The following IQANK1 variants were observed in gnomAD, a reference collection of about 807,000 sequenced individuals.
IQANK1 encodes the protein IQ motif and ankyrin repeat containing 1.
IQANK1 carries 30 observed loss-of-function variants against 22.6 expected under a neutral mutation model. The ratio of observed to expected loss-of-function variants is 1.33; its 90% CI spans 0.99 to 1.80. IQANK1 has a LOEUF of 1.80. Ranked by LOEUF, IQANK1 falls within the 40% of genes most tolerant of loss-of-function variation. IQANK1 has a pLI of 0.00. For synonymous variants in IQANK1, 122 were observed against 99.6 expected (o/e 1.23, Z -1.34); for missense variants, 275 against 235.2 (o/e 1.17, Z -1.11).
At chr8:143,779,803 A>G (rs555165158) in intron 7 of IQANK1, among the ~76,000 whole-genome samples, 1 of 152,196 alleles carries the variant, frequency 6.6e-6, no homozygotes, top group African/African-American at 2.4e-5. Context: ...CCTTGGCACA[A>G]TTCCTGGTGC....
rs1819648910 is a variant in IQANK1 at position 143,774,529 on chromosome 8, A to T, written c.789+2047A>T. ...CCGAACGAGGGCAGGGATGTGGGGA[A>T]GCTGGCCCTGCCACACCTTGCTGGG... is the stretch of plus-strand genomic sequence containing the variant. On this transcript the variant is annotated intron_variant, in intron 7 of 13. Transcript: ENST00000527139. This position sits in a 1 kb window ranked among gnomAD's most constrained non-coding sequence, Gnocchi z 4.2. Among the ~76,000 whole-genome samples, 2 of 152,184 alleles carry T rather than the reference A, an allele frequency of 1.3e-5. No homozygotes were observed. The highest frequency in any genetic ancestry group is 4.8e-5 in the African/African-American group (2 of 41,460).
At chr8:143,779,679 C>T (rs572603924) in intron 7 of IQANK1, among the ~76,000 whole-genome samples, 3 of 152,264 alleles carry the variant, frequency 2.0e-5, no homozygotes, top group Non-Finnish European at 4.4e-5. Flanking sequence ...CCAGTTCTTC[C>T]ACTTACAGAC....
chr8:143,780,382 G>A (rs1331183422), intron 7 of IQANK1, among the ~76,000 whole-genome samples: 4 of 151,998 alleles, frequency 2.6e-5, no homozygotes, highest in African/African-American at 9.7e-5. Context: ...TTGTTATGCA[G>A]GTGACATAGT....
chr8:143,743,136 A>C (rs57700399), intron 3 of IQANK1: 9 of 426,826 alleles, frequency 2.1e-5, no homozygotes, highest in Middle Eastern at 1.1e-3. Context: ...GCTGACGTCG[A>C]GGAAAGCCAG....
chr8:143,789,708 T>C lies in IQANK1; in HGVS notation c.1087-53T>C. 3 of 1,223,652 alleles carry C rather than the reference T, an allele frequency of 2.5e-6. No individual in the cohort carries two copies. In the South Asian group the frequency reaches 1.2e-4, roughly 51 times the overall value. 75.8% of individuals were successfully genotyped at this position (1,223,652 alleles called of 1,614,324 possible). On this transcript the variant is annotated intron_variant, in intron 10 of 13. Coordinates refer to ENST00000527139, the MANE Select transcript of IQANK1 (RefSeq NM_001381874.1). ...GGAGGAAGCTCGGGCAGCTGCCCTC[T>C]CCAGCCAGAGCATGGGGCAGGGCAA... is the stretch of plus-strand genomic sequence containing the variant.
intron 7 of IQANK1, among the ~76,000 whole-genome samples, chr8:143,785,800 C>T (rs1309633646): frequency 6.6e-6 from 1 of 151,412 alleles, no homozygotes; most frequent in African/African-American, 2.4e-5. Flanking sequence ...GATCTCAGCT[C>T]ACTGCAACCT....
intron 3 of IQANK1, chr8:143,745,245 T>C (rs1819004126): frequency 6.6e-6 from 1 of 152,230 alleles, no homozygotes. Context: ...GAGCCTGACG[T>C]GTCTCTGATC....
rs1554628623 is a variant in IQANK1 at position 143,758,300 on chromosome 8, A to C, written c.176-13188A>C. On this transcript the variant is annotated intron_variant, in intron 3 of 13. Transcript: ENST00000527139. This position sits in a 1 kb window ranked among gnomAD's most constrained non-coding sequence, Gnocchi z 4.2. ...ACCAACATGGAGAAACTTCGTCTCT[A>C]CTGAAAATACAAAATTAGCTGGGCA... The C allele has an allele frequency of 6.6e-6, 1 of 152,256 alleles. No individual in the cohort carries two copies. The highest frequency in any genetic ancestry group is 2.4e-5 in the African/African-American group (1 of 41,450). 9.4% of individuals were successfully genotyped at this position (152,256 alleles called of 1,614,324 possible). A position where few individuals can be genotyped will look rare whatever the true frequency, so the allele number is the denominator to read the frequency against.
At chr8:143,740,068 T>TTGTGCGCGCACGTGTGGGAGTGCGCG in intron 3 of IQANK1, 120 bp downstream of exon 3, 1 of 544,486 alleles carries the variant, frequency 1.8e-6, no homozygotes. Context: ...ACACATGTGC[T>TTGTGCGCGCACGTGTGGGAGTGCGCG]TGTGCGCGCA....
chr8:143,748,088 G>C (rs897567878), intron 3 of IQANK1, among the ~76,000 whole-genome samples: 1 of 151,584 alleles, frequency 6.6e-6, no homozygotes, highest in African/African-American at 2.4e-5. Context: ...TCTGCCTCCC[G>C]GGCTCAAGCG....
Position 143,771,733 on chromosome 8 carries a change from T to C in IQANK1, c.307-68T>C. 1 of 396,704 alleles carries C rather than the reference T, an allele frequency of 2.5e-6. No individual in the cohort carries two copies. Among genetic ancestry groups the C allele is most frequent in the Non-Finnish European group, 4.4e-6 (1 of 225,280 alleles). 24.6% of individuals were successfully genotyped at this position (396,704 alleles called of 1,614,324 possible). A position where few individuals can be genotyped will look rare whatever the true frequency, so the allele number is the denominator to read the frequency against. ...AGATCGGGCTCCGACCTCAGAGGCG[T>C]GGACCGTGGCCTCGGGGCTCGGGGC... On this transcript the variant is annotated intron_variant, in intron 4 of 13. Coordinates refer to ENST00000527139, the MANE Select transcript of IQANK1 (RefSeq NM_001381874.1). This position sits in a 1 kb window ranked among gnomAD's most constrained non-coding sequence, Gnocchi z 6.0.
chr8:143,738,324 C>T (rs146516858), intron 2 of IQANK1, among the ~76,000 whole-genome samples: 2,319 of 152,324 alleles, frequency 0.015, 25 homozygotes, highest in Non-Finnish European at 0.022. Flanking sequence ...GCTCAGAGGG[C>T]GTCCCTGGAG....
intron 3 of IQANK1, among the ~76,000 whole-genome samples, chr8:143,752,754 T>A (rs2129843780): frequency 6.6e-6 from 1 of 152,344 alleles, no homozygotes; most frequent in South Asian, 2.1e-4. Context: ...GAGCAATAAG[T>A]TATATACCAT....
intron 7 of IQANK1, among the ~76,000 whole-genome samples, chr8:143,777,620 T>TATGTGCAG (rs1450216376): frequency 1.3e-5 from 2 of 151,656 alleles, no homozygotes; most frequent in Non-Finnish European, 2.9e-5. Context: ...AAGGTTCTTA[T>TATGTGCAG]ATGTGCAGTG....
At chr8:143,749,599 A>G (rs1351341686) in intron 3 of IQANK1, among the ~76,000 whole-genome samples, 1 of 137,988 alleles carries the variant, frequency 7.2e-6, no homozygotes, top group Admixed American at 7.8e-5. Context: ...TTATTTATTT[A>G]TTTTTTTTTT....
intron 3 of IQANK1, chr8:143,741,670 C>G (rs1818918886): frequency 6.6e-6 from 1 of 152,586 alleles, no homozygotes; most frequent in South Asian, 2.1e-4. Flanking sequence ...GCGTGCTAGG[C>G]TCCAGCCCAC....
chr8:143,753,002 T>TG (rs1360638983), intron 3 of IQANK1, among the ~76,000 whole-genome samples: 2 of 134,484 alleles, frequency 1.5e-5, no homozygotes, highest in Non-Finnish European at 3.2e-5. Context: ...GTTCGTTTTT[T>TG]TTTTTTTTTT....
intron 3 of IQANK1, among the ~76,000 whole-genome samples, chr8:143,752,433 G>A (rs373965738): frequency 6.6e-6 from 1 of 152,138 alleles, no homozygotes; most frequent in Non-Finnish European, 1.5e-5. Flanking sequence ...ACTATAATGT[G>A]TCTCAGTGTG....
At chr8:143,776,269 T>C (rs1262044684) in intron 7 of IQANK1, among the ~76,000 whole-genome samples, 2 of 131,016 alleles carry the variant, frequency 1.5e-5, no homozygotes, top group Non-Finnish European at 3.1e-5. Flanking sequence ...TGCAGTGAGC[T>C]GAGATGGCGC....
Sources: allele counts gnomAD v4.1 joint callset (sites outside exome capture counted in the v4.1 genomes callset), GRCh38; gene constraint gnomAD v4.1.1; non-coding constraint Gnocchi (gnomAD v3.1); transcripts MANE v1.5; gene names NCBI Gene and HGNC (gene_info 2026-07-23, HGNC 2026-07-21).